MTUS2: variants seen among roughly 807,000 people sequenced by gnomAD.
MTUS2 encodes microtubule-associated tumor suppressor candidate 2.
In MTUS2, 40 loss-of-function variants were observed where a neutral mutation model predicts 114.1. That is an observed-to-expected ratio of 0.35 (90% confidence interval 0.27 to 0.46). The LOEUF (loss-of-function observed/expected upper bound fraction) is 0.46, where lower values mean the gene tolerates loss of function less well. Among genes scored for constraint, MTUS2 ranks in the 20% least tolerant of loss-of-function variants. The pLI is 1.00. For synonymous variants in MTUS2, 688 were observed against 672.0 expected, an observed-to-expected ratio of 1.02 and a Z score of -0.37; for missense variants, 1,679 against 1,705.4, an observed-to-expected ratio of 0.98 and a Z score of 0.27.
rs890780410 is a variant in MTUS2 at position 29,197,123 on chromosome 13, A to G, written c.2645-84581A>G. On this transcript the variant is annotated intron_variant, in intron 5 of 15. Coordinates refer to ENST00000612955, the MANE Select transcript of MTUS2 (RefSeq NM_001033602.4). ...ATGTGTAGGTTTGTTACATAGGTAT[A>G]CATGTACCATGGTGGTTTGCCGCAC... Among the ~76,000 whole-genome samples the G allele has an allele frequency of 1.2e-4, 19 of 152,276 alleles. No homozygotes were observed. The East Asian group carries it at 2.3e-3, about 19-fold the overall frequency.
chr13:29,071,875 G>A (rs1383356478), intron 4 of MTUS2: 2 of 152,106 alleles, frequency 1.3e-5, no homozygotes, highest in African/African-American at 4.8e-5. Flanking sequence ...GGTGTGGCAG[G>A]GGGTGGGAGT....
At chr13:29,106,219 C>T (rs541682987) in intron 5 of MTUS2, among the ~76,000 whole-genome samples, 1 of 152,338 alleles carries the variant, frequency 6.6e-6, no homozygotes, top group South Asian at 2.1e-4. Flanking sequence ...TGGCCCAGCT[C>T]ACTGCAAACT....
chr13:29,200,659 T>G (rs1404908124), intron 5 of MTUS2, among the ~76,000 whole-genome samples: 3 of 151,814 alleles, frequency 2.0e-5, no homozygotes, highest in Non-Finnish European at 4.4e-5. Context: ...TAGTGGGAAT[T>G]ACAGGCACAC....
intron 6 of MTUS2, among the ~76,000 whole-genome samples, chr13:29,290,937 A>G (rs547749533): frequency 3.3e-5 from 5 of 152,250 alleles, no homozygotes; most frequent in South Asian, 4.2e-4. Context: ...CAATTCCCCT[A>G]GTGATTTGAG....
intron 8 of MTUS2, among the ~76,000 whole-genome samples, chr13:29,398,605 A>G (rs1874093806): frequency 6.6e-6 from 1 of 152,154 alleles, no homozygotes; most frequent in Admixed American, 6.5e-5. Context: ...AAAGCAAAAA[A>G]TCTAAATTGG....
chr13:29,416,259 C>T (rs554223307), intron 8 of MTUS2, among the ~76,000 whole-genome samples: 1 of 151,936 alleles, frequency 6.6e-6, no homozygotes, highest in Non-Finnish European at 1.5e-5. Flanking sequence ...TCAACTCCCA[C>T]CTGTTGCCTC....
Position 28,906,505 on chromosome 13 carries a change from G to A in MTUS2, c.-243+66655G>A, listed in dbSNP as rs188536603. On this transcript the variant is annotated intron_variant, in intron 2 of 15. Transcript: ENST00000612955. ...ACATCTTTATTTCTGCCTTCATTTC[G>A]TTATGTACCCAGTAGTCATTCAGGA... Among the ~76,000 whole-genome samples the A allele has an allele frequency of 5.9e-4, 89 of 151,442 alleles. No individual in the cohort carries two copies. In the East Asian group the frequency reaches 0.016, roughly 27 times the overall value.
chr13:29,084,781 A>ACCCCC lies in MTUS2; in HGVS notation c.2447-15986_2447-15982dup, dbSNP rs774295228. 3.4e-4 allele frequency among the ~76,000 whole-genome samples: 31 copies of ACCCCC among 92,146 alleles called. 3 individuals are homozygous for ACCCCC. The highest frequency in any genetic ancestry group is 7.9e-4 in the African/African-American group (18 of 22,646). The allele number at this position is 92,146 out of a possible 152,430, so 60.5% of individuals were successfully genotyped here. A position where few individuals can be genotyped will look rare whatever the true frequency, so the allele number is the denominator to read the frequency against. On this transcript the variant is annotated intron_variant, in intron 4 of 15. Transcript: ENST00000612955. Reference sequence around the variant, plus strand: ...TTGAACTCCTGACCTCAGGTGATCCACCCCCCCCCCTCACCGTTGGCCTTC... The same window carrying ACCCCC: ...TTGAACTCCTGACCTCAGGTGATCCACCCCCCCCCCCCCCCTCACCGTTGGCCTTC...
chr13:28,898,067 A>G (rs1475011154), intron 2 of MTUS2, among the ~76,000 whole-genome samples: 2 of 152,062 alleles, frequency 1.3e-5, no homozygotes, highest in African/African-American at 4.8e-5. Context: ...GAACAGGTTG[A>G]AGTTTTGTTT....
At chr13:28,920,775 T>C (rs1880998728) in intron 2 of MTUS2, among the ~76,000 whole-genome samples, 1 of 152,212 alleles carries the variant, frequency 6.6e-6, no homozygotes, top group Non-Finnish European at 1.5e-5. Context: ...GACAAAGTCC[T>C]TCCTGCTCTT....
intron 5 of MTUS2, among the ~76,000 whole-genome samples, chr13:29,244,296 G>A (rs1896831493): frequency 6.6e-6 from 1 of 152,182 alleles, no homozygotes; most frequent in African/African-American, 2.4e-5. Flanking sequence ...AGCAGTATGG[G>A]TGCAGAGAGG....
intron 1 of MTUS2, among the ~76,000 whole-genome samples, chr13:28,837,399 C>T (rs992856265): frequency 2.6e-5 from 4 of 152,146 alleles, no homozygotes; most frequent in Admixed American, 6.5e-5. Flanking sequence ...CATCAGCTTC[C>T]GTGTACTGTT....
At chr13:29,486,531 G>T (rs115066131) in intron 10 of MTUS2, among the ~76,000 whole-genome samples, 2,424 of 152,278 alleles carry the variant, frequency 0.016, 62 homozygotes, top group African/African-American at 0.055. Context: ...AATATGACCA[G>T]CTAGAAGCAA....
chr13:29,332,929 C>T (rs1900865699), intron 7 of MTUS2, among the ~76,000 whole-genome samples: 1 of 152,078 alleles, frequency 6.6e-6, no homozygotes, highest in Non-Finnish European at 1.5e-5. Flanking sequence ...GCCACCGCGC[C>T]CGGCCTTCTC....
At position 28,959,009 on chromosome 13, in the gene MTUS2, A is replaced by G. The variant is rs550010841; in HGVS notation, c.-242-65448A>G. Among the ~76,000 whole-genome samples, 142 of 152,350 alleles carry G rather than the reference A, an allele frequency of 9.3e-4. No homozygotes were observed. The Middle Eastern group carries it at 0.01, about 11-fold the overall frequency. On this transcript the variant is annotated intron_variant, in intron 2 of 15. Coordinates refer to ENST00000612955, the MANE Select transcript of MTUS2 (RefSeq NM_001033602.4). ...GTGAATACTCCTAGGCAGACCAGCT[A>G]GAGACCTCAGGACTTGAGGAGGAAC... is the stretch of plus-strand genomic sequence containing the variant.
At chr13:29,335,329 C>G (rs1901000674) in intron 7 of MTUS2, among the ~76,000 whole-genome samples, 1 of 152,168 alleles carries the variant, frequency 6.6e-6, no homozygotes, top group Non-Finnish European at 1.5e-5. Context: ...AAATTTTGGT[C>G]AGACCGGTTG....
At chr13:29,381,962 T>C (rs1872245749) in intron 8 of MTUS2, among the ~76,000 whole-genome samples, 1 of 152,264 alleles carries the variant, frequency 6.6e-6, no homozygotes, top group East Asian at 1.9e-4. Flanking sequence ...AAATAATCAT[T>C]GCGTGTCTCC....
intron 2 of MTUS2, among the ~76,000 whole-genome samples, chr13:28,984,548 G>A (rs1252598313): frequency 6.6e-6 from 1 of 152,232 alleles, no homozygotes; most frequent in South Asian, 2.1e-4. Flanking sequence ...GTCATGGAGT[G>A]AAGGTCAGCG....
intron 4 of MTUS2, among the ~76,000 whole-genome samples, chr13:29,074,275 C>T (rs1889081536): frequency 6.6e-6 from 1 of 152,152 alleles, no homozygotes; most frequent in Non-Finnish European, 1.5e-5. Context: ...TCCTTTTTAT[C>T]CTTTATGACT....
Sources: gnomAD v4.1 joint callset for allele counts (sites outside exome capture counted in the v4.1 genomes callset) on GRCh38, gnomAD v4.1.1 for gene constraint, MANE v1.5 for transcripts, NCBI Gene and HGNC (gene_info 2026-07-23, HGNC 2026-07-21) for gene names.